AGBL1: variants seen among roughly 807,000 people sequenced by gnomAD.
AGBL1 encodes cytosolic carboxypeptidase 4.
In AGBL1, 130 loss-of-function variants were observed where a neutral mutation model predicts 118.9. The observed-to-expected ratio is 1.09, with a 90% CI of 0.95 to 1.26. The LOEUF (loss-of-function observed/expected upper bound fraction) is 1.26. Ranked by LOEUF, AGBL1 falls within the 50% of genes most tolerant of loss-of-function variation. AGBL1 has a pLI of 0.00. For missense variants in AGBL1, 1,584 were observed against 1,298.1 expected (o/e 1.22, Z -3.38); for synonymous variants, 555 against 478.9 (o/e 1.16, Z -2.08).
At chr15:86,874,538 G>A (rs2079777980) in intron 22 of AGBL1, among the ~76,000 whole-genome samples, 1 of 152,100 alleles carries the variant, frequency 6.6e-6, no homozygotes, top group Admixed American at 6.5e-5. Context: ...TATTGAAGGA[G>A]TACCAGAGTG....
chr15:86,765,911 G>T (rs1025249428), intron 22 of AGBL1, among the ~76,000 whole-genome samples: 1 of 151,858 alleles, frequency 6.6e-6, no homozygotes, highest in Non-Finnish European at 1.5e-5. Flanking sequence ...TCTAAAAGAG[G>T]GAGAGCTGAG....
At chr15:86,833,265 A>C (rs921536609) in intron 22 of AGBL1, among the ~76,000 whole-genome samples, 2 of 152,076 alleles carry the variant, frequency 1.3e-5, no homozygotes, top group African/African-American at 4.8e-5. Context: ...GAGATTCACA[A>C]ATCATGTAAT....
At chr15:86,744,276 A>C (rs1033807018) in intron 22 of AGBL1, among the ~76,000 whole-genome samples, 1 of 152,164 alleles carries the variant, frequency 6.6e-6, no homozygotes, top group African/African-American at 2.4e-5. Flanking sequence ...CCCGCTTTGC[A>C]TATTTATATA....
Position 86,915,960 on chromosome 15 carries a change from C to T in AGBL1, c.*8666C>T, listed in dbSNP as rs979461320. 1.3e-5 allele frequency: 2 copies of T among 152,104 alleles called. No homozygotes were observed. Among genetic ancestry groups the T allele is most frequent in the Non-Finnish European group, 1.5e-5 (1 of 68,046 alleles). The allele number at this position is 152,104 out of a possible 1,614,324, so 9.4% of individuals were successfully genotyped here. On this transcript the variant is annotated 3_prime_UTR_variant, in exon 23 of 23. Transcript: ENST00000614907. ...AGCCCCGTTTGCGGTGCCTCCTGGT[C>T]GGTAATTTTCCAGAAGCAATTTCTT...
intron 18 of AGBL1, among the ~76,000 whole-genome samples, chr15:86,498,616 T>C (rs1022820273): frequency 6.6e-6 from 1 of 151,934 alleles, no homozygotes; most frequent in African/African-American, 2.4e-5. Context: ...GGTATGTGTA[T>C]AATCCTTTTA....
intron 1 of AGBL1, among the ~76,000 whole-genome samples, chr15:86,084,915 G>A (rs1376481478): frequency 6.6e-6 from 1 of 152,110 alleles, no homozygotes; most frequent in African/African-American, 2.4e-5. Context: ...AGCTTTCTAT[G>A]TGCTGGAAGA....
intron 16 of AGBL1, among the ~76,000 whole-genome samples, chr15:86,287,651 T>C (rs2079475843): frequency 6.6e-6 from 1 of 152,172 alleles, no homozygotes; most frequent in African/African-American, 2.4e-5. Context: ...CAATTGACTA[T>C]AGGTGTCTGA....
intron 18 of AGBL1, among the ~76,000 whole-genome samples, chr15:86,505,360 G>T (rs2082963207): frequency 6.6e-6 from 1 of 151,658 alleles, no homozygotes; most frequent in African/African-American, 2.4e-5. Flanking sequence ...CTGTCTCTTT[G>T]TCTCTCTATT....
intron 22 of AGBL1, among the ~76,000 whole-genome samples, chr15:86,906,312 G>A (rs2080279102): frequency 6.6e-6 from 1 of 152,218 alleles, no homozygotes; most frequent in South Asian, 2.1e-4. Flanking sequence ...ACAATATGCT[G>A]TAAAGTTTTT....
intron 6 of AGBL1, among the ~76,000 whole-genome samples, chr15:86,225,768 C>A (rs1439788335): frequency 6.6e-6 from 1 of 151,916 alleles, no homozygotes. Flanking sequence ...CTATAGGGAG[C>A]CTGAGGCCTG....
At chr15:86,357,217 G>A (rs2080735486) in intron 17 of AGBL1, among the ~76,000 whole-genome samples, 1 of 152,124 alleles carries the variant, frequency 6.6e-6, no homozygotes, top group African/African-American at 2.4e-5. Flanking sequence ...AAGAGTAGTA[G>A]CAACAGGAAA....
At chr15:86,271,574 A>C in intron 14 of AGBL1, 45 bp from the exon 15 acceptor site, 6 of 1,456,584 alleles carry the variant, frequency 4.1e-6, no homozygotes, top group South Asian at 1.1e-5. Flanking sequence ...GGCCCAGAAC[A>C]ACTCTCTTTC....
chr15:86,306,274 G>A (rs1250622202), intron 17 of AGBL1, among the ~76,000 whole-genome samples: 1 of 151,846 alleles, frequency 6.6e-6, no homozygotes, highest in African/African-American at 2.4e-5. Context: ...CTATTTTCTT[G>A]TACCCATTAA....
At chr15:86,779,817 CTCT>C (rs2078306945) in intron 22 of AGBL1, among the ~76,000 whole-genome samples, 1 of 151,864 alleles carries the variant, frequency 6.6e-6, no homozygotes, top group Non-Finnish European at 1.5e-5. Context: ...CCATTTGAGT[CTCT>C]TCTTTTGTGA....
chr15:86,480,283 A>T (rs2082633586), intron 18 of AGBL1, among the ~76,000 whole-genome samples: 1 of 152,150 alleles, frequency 6.6e-6, no homozygotes, highest in African/African-American at 2.4e-5. Context: ...CAGTATGATA[A>T]CCTTTTTTAC....
At chr15:86,862,925 A>G (rs936600529) in intron 22 of AGBL1, among the ~76,000 whole-genome samples, 1 of 152,190 alleles carries the variant, frequency 6.6e-6, no homozygotes, top group Non-Finnish European at 1.5e-5. Flanking sequence ...TGGACCAAAC[A>G]TGGTAGCTAG....
At chr15:86,263,597 AGATGG>A (rs1172376394) in intron 10 of AGBL1, among the ~76,000 whole-genome samples, 1 of 152,240 alleles carries the variant, frequency 6.6e-6, no homozygotes, top group Non-Finnish European at 1.5e-5. Flanking sequence ...CCGTTGTCCT[AGATGG>A]CTTTTTGAAG....
intron 1 of AGBL1, chr15:86,107,696 T>G (rs1165201437): frequency 6.6e-6 from 1 of 152,206 alleles, no homozygotes; most frequent in Non-Finnish European, 1.5e-5. Flanking sequence ...ACATTTGTAC[T>G]CACATTTAAC....
Position 86,298,187 on chromosome 15 carries a change from G to A in AGBL1, c.2374+2779G>A, listed in dbSNP as rs1218094085. On this transcript the variant is annotated intron_variant, in intron 17 of 22. Transcript: ENST00000614907. ...ATTGCATGACCTAAGCCACGTGCTG[G>A]GGCACAGTTTCAGCAGGGCTACATA... Among the ~76,000 whole-genome samples, 5 of 144,898 alleles carry A rather than the reference G, an allele frequency of 3.5e-5. No individual in the cohort carries two copies. The Admixed American group carries it at 3.5e-4, about 10-fold the overall frequency.
Sources: allele counts gnomAD v4.1 joint callset (sites outside exome capture counted in the v4.1 genomes callset), GRCh38; gene constraint gnomAD v4.1.1; transcripts MANE v1.5; gene names NCBI Gene and HGNC (gene_info 2026-07-23, HGNC 2026-07-21).